Variants in ZNF444 observed in about 807,000 individuals in gnomAD.
ZNF444 encodes zinc finger protein 444.
In ZNF444, 8 loss-of-function variants were observed where a neutral mutation model predicts 14.4. That is an observed-to-expected ratio of 0.56 (90% CI 0.33 to 1.00). The LOEUF (loss-of-function observed/expected upper bound fraction) is 1.00. ZNF444 is among the 50% of genes least tolerant of loss of function. ZNF444 has a pLI of 0.03. For missense variants in ZNF444, 510 were observed against 504.8 expected, an observed-to-expected ratio of 1.01 and a Z score of -0.10; for synonymous variants, 258 against 235.9, an observed-to-expected ratio of 1.09 and a Z score of -0.86.
chr19:56,152,768 C>G (rs2031664205), intron 3 of ZNF444, among the ~76,000 whole-genome samples: 1 of 152,060 alleles, frequency 6.6e-6, no homozygotes, highest in African/African-American at 2.4e-5. Flanking sequence ...CTGCTGTGTC[C>G]TCACAGGGCA....
intron 3 of ZNF444, chr19:56,156,086 G>A (rs542473177): frequency 5.9e-5 from 9 of 152,354 alleles, no homozygotes; most frequent in East Asian, 3.9e-4. Context: ...CATGTTTACC[G>A]ATTTATTGTA....
At chr19:56,148,681 C>T (rs903207968) in intron 3 of ZNF444, among the ~76,000 whole-genome samples, 1 of 152,196 alleles carries the variant, frequency 6.6e-6, no homozygotes, top group Non-Finnish European at 1.5e-5. Flanking sequence ...TCCTCGCCCT[C>T]CTTCCGGGTC....
At chr19:56,141,630 C>CG (rs1049696779) in intron 1 of ZNF444, 5 of 38,878 alleles carry the variant, frequency 1.3e-4, no homozygotes, top group Non-Finnish European at 2.4e-4. Flanking sequence ...AGGGAGAGGA[C>CG]GGGGGAGGGG....
At chr19:56,155,962 C>G (rs900463691) in intron 3 of ZNF444, 2 of 152,230 alleles carry the variant, frequency 1.3e-5, no homozygotes, top group African/African-American at 4.8e-5. Context: ...TGATGCCAGT[C>G]ACAAGCCCCA....
chr19:56,138,101 G>A (rs1286943621), upstream of ZNF444, among the ~76,000 whole-genome samples: 1 of 152,064 alleles, frequency 6.6e-6, no homozygotes, highest in Non-Finnish European at 1.5e-5. Context: ...TCCAGCCTGG[G>A]TGACGAGAAG....
At chr19:56,146,848 G>A in intron 2 of ZNF444, 42 bp from the exon 3 acceptor site, 1 of 1,312,688 alleles carries the variant, frequency 7.6e-7, no homozygotes, top group Admixed American at 4.1e-5. Context: ...ACCGCGGGCA[G>A]GGTCTCGGCG....
At chr19:56,146,128 T>G (rs1292040022) in intron 1 of ZNF444, 119 bp from the exon 2 acceptor site, 1 of 152,320 alleles carries the variant, frequency 6.6e-6, no homozygotes, top group Non-Finnish European at 1.5e-5. Flanking sequence ...CTGCAAAGTG[T>G]CTGCTCCCAG....
chr19:56,152,404 G>A (rs1049926682), intron 3 of ZNF444, among the ~76,000 whole-genome samples: 5 of 150,826 alleles, frequency 3.3e-5, no homozygotes, highest in Admixed American at 2.0e-4. Flanking sequence ...GAGGTGATTC[G>A]GGCCTCAGCT....
intron 3 of ZNF444, among the ~76,000 whole-genome samples, chr19:56,148,101 TA>T (rs1374017873): frequency 6.6e-6 from 1 of 152,140 alleles, no homozygotes; most frequent in Non-Finnish European, 1.5e-5. Flanking sequence ...GTCAGCACGT[TA>T]AAAAAAGGCA....
At chr19:56,142,029 G>C (rs938604047) in intron 1 of ZNF444, among the ~76,000 whole-genome samples, 1 of 152,148 alleles carries the variant, frequency 6.6e-6, no homozygotes, top group African/African-American at 2.4e-5. Flanking sequence ...TAGAAACTCT[G>C]TTTATTGTCA....
At chr19:56,153,476 G>C (rs189171162) in intron 3 of ZNF444, among the ~76,000 whole-genome samples, 1 of 152,098 alleles carries the variant, frequency 6.6e-6, no homozygotes, top group East Asian at 1.9e-4. Context: ...GCTGTGGAGG[G>C]AATGGCTAAC....
chr19:56,132,821 T>C (rs936917272), intron 1 of ZNF444: 2 of 152,074 alleles, frequency 1.3e-5, no homozygotes, highest in African/African-American at 4.8e-5. Flanking sequence ...CCCTGCTCAC[T>C]CTCTGAACAT....
intron 1 of ZNF444, among the ~76,000 whole-genome samples, chr19:56,134,505 G>A (rs2030567332): frequency 6.6e-6 from 1 of 152,164 alleles, no homozygotes; most frequent in Non-Finnish European, 1.5e-5. Context: ...GGAGAAAGAG[G>A]GGGCTCTGCG....
chr19:56,145,609 T>TA lies in ZNF444; in HGVS notation c.-196-637dup, dbSNP rs1276375555. ...TCAAAACAAAAATTAAAAAAAAAAA[T>TA]AGAGACAGGAGAGCTCGCTGCCTCT... On this transcript the variant is annotated intron_variant, in intron 1 of 4. Coordinates refer to ENST00000337080, the MANE Select transcript of ZNF444 (RefSeq NM_018337.4). The surrounding 1 kb of genome is among the most constrained non-coding windows in gnomAD (Gnocchi z 4.3). 1.3e-5 allele frequency among the ~76,000 whole-genome samples: 2 copies of TA among 148,676 alleles called. No individual in the cohort carries two copies. The highest frequency in any genetic ancestry group is 1.3e-4 in the Admixed American group (2 of 14,996).
In ZNF444 at chr19:56,160,023, G is replaced by A. The variant is rs200554083; in HGVS notation, c.806G>A (p.Arg269His). 6.6e-6 allele frequency: 10 copies of A among 1,511,270 alleles called. No individual in the cohort carries two copies. The highest frequency in any genetic ancestry group is 2.6e-5 in the East Asian group (1 of 38,040). 93.6% of individuals were successfully genotyped at this position (1,511,270 alleles called of 1,614,324 possible). The change falls in exon 5 of 5, where the codon CGC (arginine) becomes CAC (histidine). Residue 269 changes from arginine to histidine, a missense_variant. By Grantham distance (29) the Arg-to-His change is conservative (BLOSUM62 0). Transcript: ENST00000337080. ...FYWREHLVRH[R>H]KTHSGARPFA... Reference sequence around the variant, plus strand: ...TGGCGCGAGCACCTGGTGCGCCACCGCAAGACGCACTCGGGAGCGCGGCCC... The same window carrying A: ...TGGCGCGAGCACCTGGTGCGCCACCACAAGACGCACTCGGGAGCGCGGCCC...
chr19:56,135,866 A>C (rs1283451790), intron 1 of ZNF444, among the ~76,000 whole-genome samples: 1 of 151,576 alleles, frequency 6.6e-6, no homozygotes, highest in Non-Finnish European at 1.5e-5. Context: ...GCCTCACTTG[A>C]GATCAGAAGA....
chr19:56,145,585 C>G lies in ZNF444; in HGVS notation c.-196-662C>G, dbSNP rs2031124172. On this transcript the variant is annotated intron_variant, in intron 1 of 4. Coordinates refer to ENST00000337080, the MANE Select transcript of ZNF444 (RefSeq NM_018337.4). The surrounding 1 kb of genome is among the most constrained non-coding windows in gnomAD (Gnocchi z 4.3). ...TGGGCAACAGAGCGAGACTCCATCTCAAAACAAAAATTAAAAAAAAAAATA... is the reference window on the plus strand; with the variant it reads ...TGGGCAACAGAGCGAGACTCCATCTGAAAACAAAAATTAAAAAAAAAAATA... 6.7e-6 allele frequency among the ~76,000 whole-genome samples: 1 copy of G among 149,696 alleles called. No individual in the cohort carries two copies. Among genetic ancestry groups the G allele is most frequent in the South Asian group, 2.1e-4 (1 of 4,776 alleles).
At position 56,160,203 on chromosome 19, in the gene ZNF444, C is replaced by T. The variant is rs1252698746; in HGVS notation, c.*2C>T. 7 of 1,441,080 alleles carry T rather than the reference C, an allele frequency of 4.9e-6. No individual in the cohort carries two copies. Among genetic ancestry groups the T allele is most frequent in the East Asian group, 2.9e-5 (1 of 34,596 alleles). The allele number at this position is 1,441,080 out of a possible 1,614,324, so 89.3% of individuals were successfully genotyped here. A position where few individuals can be genotyped will look rare whatever the true frequency, so the allele number is the denominator to read the frequency against. On this transcript the variant is annotated 3_prime_UTR_variant, in exon 5 of 5. Coordinates refer to ENST00000337080, the MANE Select transcript of ZNF444 (RefSeq NM_018337.4). ...TTCCCGCCCTGGCCCTTGGGTTAGC[C>T]GCCTCCCGGCCAGCGCCATCTCCCG...
rs1408284432 is a variant in ZNF444 at position 56,147,232 on chromosome 19, G to A, written c.297+24G>A. The A allele has an allele frequency of 1.1e-5, 16 of 1,407,392 alleles. No homozygotes were observed. In the East Asian group the frequency reaches 1.2e-4, roughly 10 times the overall value. 87.2% of individuals were successfully genotyped at this position (1,407,392 alleles called of 1,614,324 possible). A position where few individuals can be genotyped will look rare whatever the true frequency, so the allele number is the denominator to read the frequency against. On this transcript the variant is annotated intron_variant, in intron 3 of 4. Transcript: ENST00000337080. This position sits in a 1 kb window ranked among gnomAD's most constrained non-coding sequence, Gnocchi z 5.9. ...GGGTGAGCCTGGCGGGACTGCAAGC[G>A]GGGAAGGGAGAGGGGAAGGTGCCAG...
Sources: gnomAD v4.1 joint callset for allele counts (sites outside exome capture counted in the v4.1 genomes callset) on GRCh38, gnomAD v4.1.1 for gene constraint, Gnocchi (gnomAD v3.1) non-coding constraint, MANE v1.5 for transcripts, NCBI Gene and HGNC (gene_info 2026-07-23, HGNC 2026-07-21) for gene names.